Variants in GRIN2B observed in about 807,000 individuals in gnomAD.
The protein encoded by GRIN2B is glutamate receptor ionotropic, NMDA 2B.
In GRIN2B, 5 loss-of-function variants were observed where a neutral mutation model predicts 114.5. That is an observed-to-expected ratio of 0.04 (90% CI 0.02 to 0.09). GRIN2B has a LOEUF of 0.09. GRIN2B is among the 10% of genes least tolerant of loss of function. GRIN2B has a pLI of 1.00. For missense variants in GRIN2B, 1,108 were observed against 1,943.5 expected (o/e 0.57, Z 8.08); for synonymous variants, 787 against 745.1 (o/e 1.06, Z -0.92).
At position 13,552,900 on chromosome 12, in the gene GRIN2B, T is replaced by A. The variant is rs1565447201; in HGVS notation, c.*9883A>T. The A allele has an allele frequency of 6.6e-6, 1 of 151,980 alleles. No homozygotes were observed. The highest frequency in any genetic ancestry group is 1.5e-5 in the Non-Finnish European group (1 of 67,978). The allele number at this position is 151,980 out of a possible 1,614,324, so 9.4% of individuals were successfully genotyped here. A position where few individuals can be genotyped will look rare whatever the true frequency, so the allele number is the denominator to read the frequency against. The stretch of plus-strand genomic sequence containing the variant: ...CAATGAAGAGTGGACTTTCTTCACT[T>A]TTTTTTTAAAAAAAGAGACTTGTCA... On this transcript the variant is annotated 3_prime_UTR_variant, in exon 14 of 14. Transcript: ENST00000609686.
rs1949423098 is a variant in GRIN2B, at chr12:13,615,344, A to G, written c.1501-77T>C. Reference sequence around the variant, plus strand: ...CACCACAAGGAAAATACAGCCTATCAGTGGTTTTCTTTGTATAGTGGGAAC... The same window carrying G: ...CACCACAAGGAAAATACAGCCTATCGGTGGTTTTCTTTGTATAGTGGGAAC... On this transcript the variant is annotated intron_variant, in intron 7 of 13. Transcript: ENST00000609686. The surrounding 1 kb of genome is among the most constrained non-coding windows in gnomAD (Gnocchi z 5.8). 7.3e-6 allele frequency: 11 copies of G among 1,504,828 alleles called. No homozygotes were observed. Among genetic ancestry groups the G allele is most frequent in the Non-Finnish European group, 1.0e-5 (11 of 1,080,738 alleles). The allele number at this position is 1,504,828 out of a possible 1,614,324, so 93.2% of individuals were successfully genotyped here. A position where few individuals can be genotyped will look rare whatever the true frequency, so the allele number is the denominator to read the frequency against.
intron 3 of GRIN2B, among the ~76,000 whole-genome samples, chr12:13,808,747 A>ATAT: frequency 9.1e-6 from 1 of 110,260 alleles, no homozygotes; most frequent in South Asian, 2.9e-4. Context: ...GTATAATAAA[A>ATAT]AAAAAATATA....
intron 3 of GRIN2B, among the ~76,000 whole-genome samples, chr12:13,799,945 G>A (rs930575577): frequency 3.9e-5 from 6 of 152,164 alleles, no homozygotes; most frequent in African/African-American, 7.2e-5. Flanking sequence ...GGAAGAAACC[G>A]CTCCATAGTA....
chr12:13,834,112 G>T (rs369525038), intron 3 of GRIN2B, among the ~76,000 whole-genome samples: 1 of 130,768 alleles, frequency 7.6e-6, no homozygotes, highest in Non-Finnish European at 1.6e-5. Context: ...CTCACTGCAA[G>T]CTCTGCCTCC....
intron 5 of GRIN2B, among the ~76,000 whole-genome samples, chr12:13,646,513 A>G (rs1471746477): frequency 1.3e-5 from 2 of 152,176 alleles, no homozygotes; most frequent in Non-Finnish European, 2.9e-5. Context: ...AAACAATAGA[A>G]TATGGAAAAG....
Position 13,618,709 on chromosome 12 carries a change from G to A in GRIN2B, c.1126-2052C>T, listed in dbSNP as rs149827082. On this transcript the variant is annotated intron_variant, in intron 5 of 13. Transcript: ENST00000609686. ...AGTCAAGGTCTGTACATTGAGTCTA[G>A]CCTACCTTGATACAGTTAACTTCAC... Among the ~76,000 whole-genome samples, 110 of 152,254 alleles carry A rather than the reference G, an allele frequency of 7.2e-4. 3 individuals carry two copies. The East Asian group carries it at 0.02, about 27-fold the overall frequency.
chr12:13,882,867 G>T (rs1866091869), intron 2 of GRIN2B, among the ~76,000 whole-genome samples: 1 of 152,098 alleles, frequency 6.6e-6, no homozygotes, highest in Non-Finnish European at 1.5e-5. Context: ...CCATAACCAA[G>T]ATATAAAATA....
intron 3 of GRIN2B, among the ~76,000 whole-genome samples, chr12:13,795,874 T>C (rs541595336): frequency 3.9e-5 from 6 of 152,016 alleles, no homozygotes; most frequent in East Asian, 1.9e-4. Context: ...TAGGTGGGAA[T>C]TGAACAATGA....
At chr12:13,922,393 A>G (rs570281157) in intron 2 of GRIN2B, among the ~76,000 whole-genome samples, 56 of 152,274 alleles carry the variant, frequency 3.7e-4, no homozygotes, top group African/African-American at 1.2e-3. Flanking sequence ...CAGTCTTCCA[A>G]ACTGAATTGT....
Position 13,753,721 on chromosome 12 carries a change from G to A in GRIN2B, c.606C>T (p.Val202=). The change falls in exon 4 of 14, where the codon GTC becomes GTT. Residue 202 remains valine, a synonymous_variant. Coordinates refer to ENST00000609686, the MANE Select transcript of GRIN2B (RefSeq NM_000834.5). This position sits in a 1 kb window ranked among gnomAD's most constrained non-coding sequence, Gnocchi z 6.2. The part of the protein sequence containing the change: ...NSFVGWELEE[V]LLLDMSLDDG... ...CGTCCAGGGACATGTCCAGTAGGAGGACCTCCTCTAGCTCCCAGCCCACAA... is the reference window on the plus strand; with the variant it reads ...CGTCCAGGGACATGTCCAGTAGGAGAACCTCCTCTAGCTCCCAGCCCACAA... 6.2e-7 allele frequency: 1 copy of A among 1,614,182 alleles called. No individual in the cohort carries two copies. The highest frequency in any genetic ancestry group is 1.1e-5 in the South Asian group (1 of 91,084).
chr12:13,648,388 C>T (rs1949783131), intron 5 of GRIN2B, among the ~76,000 whole-genome samples: 1 of 151,878 alleles, frequency 6.6e-6, no homozygotes, highest in Non-Finnish European at 1.5e-5. Context: ...ACCTTACAGA[C>T]ATTTGGAATT....
At chr12:13,605,952 A>G (rs1949240906) in intron 10 of GRIN2B, among the ~76,000 whole-genome samples, 1 of 152,134 alleles carries the variant, frequency 6.6e-6, no homozygotes, top group Non-Finnish European at 1.5e-5. Flanking sequence ...TGATCTCACC[A>G]TACAGTGCTA....
intron 3 of GRIN2B, among the ~76,000 whole-genome samples, chr12:13,832,443 C>T (rs1865167522): frequency 6.6e-6 from 1 of 152,158 alleles, no homozygotes; most frequent in South Asian, 2.1e-4. Flanking sequence ...TAAAACCTCC[C>T]AGAGTAGAGA....
rs186649515 is a variant in GRIN2B at position 13,704,274 on chromosome 12, G to A, written c.1011-28415C>T. ...TACACCACCACCATGCAGAGCCAATGCCAGGGCTTGCGGGAAAACTCTCAA... is the reference window on the plus strand; with the variant it reads ...TACACCACCACCATGCAGAGCCAATACCAGGGCTTGCGGGAAAACTCTCAA... On this transcript the variant is annotated intron_variant, in intron 4 of 13. Coordinates refer to ENST00000609686, the MANE Select transcript of GRIN2B (RefSeq NM_000834.5). Among the ~76,000 whole-genome samples the A allele has an allele frequency of 2.0e-5, 3 of 152,252 alleles. No homozygotes were observed. In the East Asian group the frequency reaches 5.8e-4, roughly 29 times the overall value.
chr12:13,747,385 T>C (rs974121215), intron 4 of GRIN2B, among the ~76,000 whole-genome samples: 3 of 152,246 alleles, frequency 2.0e-5, no homozygotes, highest in African/African-American at 7.2e-5. Flanking sequence ...CATTCAATGA[T>C]TGTTCTGTAC....
intron 9 of GRIN2B, chr12:13,610,124 C>T (rs1325533006): frequency 6.6e-6 from 1 of 152,186 alleles, no homozygotes; most frequent in Non-Finnish European, 1.5e-5. Flanking sequence ...AGGGACAACT[C>T]ATGTTGAACC....
At chr12:13,925,927 A>G (rs1346844005) in intron 2 of GRIN2B, among the ~76,000 whole-genome samples, 4 of 152,062 alleles carry the variant, frequency 2.6e-5, no homozygotes, top group Admixed American at 6.6e-5. Flanking sequence ...AGACTAAACT[A>G]TTTTCCTCCG....
intron 2 of GRIN2B, among the ~76,000 whole-genome samples, chr12:13,952,638 C>T (rs570577832): frequency 6.6e-6 from 1 of 152,046 alleles, no homozygotes; most frequent in South Asian, 2.1e-4. Flanking sequence ...TTAAAAGATC[C>T]TGAATATCAA....
chr12:13,780,834 CAAA>C (rs200061187), intron 3 of GRIN2B, among the ~76,000 whole-genome samples: 1 of 84,704 alleles, frequency 1.2e-5, no homozygotes. Flanking sequence ...CAGGTTTTGC[CAAA>C]AAAAAAAAAA....
Sources: allele counts gnomAD v4.1 joint callset (sites outside exome capture counted in the v4.1 genomes callset), GRCh38; gene constraint gnomAD v4.1.1; non-coding constraint Gnocchi (gnomAD v3.1); transcripts MANE v1.5; gene names NCBI Gene and HGNC (gene_info 2026-07-23, HGNC 2026-07-21).